GABBR1: variants seen among roughly 807,000 people sequenced by gnomAD.
The protein encoded by GABBR1 is gamma-aminobutyric acid type B receptor subunit 1, also known as GABA-B receptor, R1 subunit.
GABBR1 carries 35 observed loss-of-function variants against 117.7 expected under a neutral mutation model. The ratio of observed to expected loss-of-function variants is 0.30; its 90% CI spans 0.23 to 0.39. GABBR1 has a LOEUF of 0.39. GABBR1 is among the 10% of genes least tolerant of loss of function. GABBR1 has a pLI of 1.00. For synonymous variants in GABBR1, 442 were observed against 486.6 expected, an observed-to-expected ratio of 0.91 and a Z score of 1.21; for missense variants, 709 against 1,241.8, an observed-to-expected ratio of 0.57 and a Z score of 6.45.
In GABBR1 at chr6:29,603,466, C is replaced by T. The variant is rs775716754; in HGVS notation, c.*77G>A. On this transcript the variant is annotated 3_prime_UTR_variant, in exon 23 of 23. Transcript: ENST00000377034. ...GTTCTTCCCAGCTGGGGATGGGGACCCCCTGCTTCCTGAGTCCCCTGCCCT... is the reference window on the plus strand; with the variant it reads ...GTTCTTCCCAGCTGGGGATGGGGACTCCCTGCTTCCTGAGTCCCCTGCCCT... The T allele has an allele frequency of 7.8e-7, 1 of 1,286,600 alleles. No individual in the cohort carries two copies. Among genetic ancestry groups the T allele is most frequent in the Non-Finnish European group, 1.1e-6 (1 of 906,476 alleles). 79.7% of individuals were successfully genotyped at this position (1,286,600 alleles called of 1,614,324 possible). A position where few individuals can be genotyped will look rare whatever the true frequency, so the allele number is the denominator to read the frequency against.
In GABBR1 at chr6:29,605,674, C is replaced by A; in HGVS notation, c.2334G>T (p.Gly778=). 1 of 1,612,980 alleles carries A rather than the reference C, an allele frequency of 6.2e-7. No homozygotes were observed. The highest frequency in any genetic ancestry group is 1.3e-5 in the African/African-American group (1 of 75,026). Residue 778 remains glycine, a synonymous_variant, in exon 20 of 23, where the codon GGG becomes GGT. Coordinates refer to ENST00000377034, the MANE Select transcript of GABBR1 (RefSeq NM_001470.4). This position sits in a 1 kb window ranked among gnomAD's most constrained non-coding sequence, Gnocchi z 4.2. Reference sequence around the variant, plus strand: ...GGAAGATTCCCAGCAGCAGCAGCAGCCCCTTGTAACCATAGAAAATGCCTA... The same window carrying A: ...GGAAGATTCCCAGCAGCAGCAGCAGACCCTTGTAACCATAGAAAATGCCTA... ...TWLGIFYGYK[G]LLLLLGIFLA...
In GABBR1 at chr6:29,621,919, G is replaced by C. The variant is rs1763795175; in HGVS notation, c.1066-102C>G. Reference sequence around the variant, plus strand: ...TTGATTTCCCATCCCAAAGTGCTTAGTGCAGGGTAACGCTCAACGTATAGT... The same window carrying C: ...TTGATTTCCCATCCCAAAGTGCTTACTGCAGGGTAACGCTCAACGTATAGT... On this transcript the variant is annotated intron_variant, in intron 9 of 22. Transcript: ENST00000377034. This position sits in a 1 kb window ranked among gnomAD's most constrained non-coding sequence, Gnocchi z 5.0. 16 of 1,254,678 alleles carry C rather than the reference G, an allele frequency of 1.3e-5. No homozygotes were observed. In the South Asian group the frequency reaches 2.0e-4, roughly 15 times the overall value. The allele number at this position is 1,254,678 out of a possible 1,614,324, so 77.7% of individuals were successfully genotyped here.
chr6:29,608,616 A>C lies in GABBR1; in HGVS notation c.1977T>G (p.Phe659Leu), dbSNP rs29230. The change falls in exon 16 of 23, where the codon TTT becomes TTG. Residue 659 changes from phenylalanine to leucine, a missense_variant. Phe to Leu is a conservative substitution (Grantham distance 22). Around this residue, in one of 9 missense-constraint regions of GABBR1, gnomAD observed 251 missense variants for 445.3 expected, o/e 0.56. Transcript: ENST00000377034. ...LDGYHIGRNQFPFVCQARLWL... is the reference protein window; with the variant it reads ...LDGYHIGRNQLPFVCQARLWL... ...ACCTCCTCACCTGGCAGACGAAAGGAAACTGGTTCCTCCCAATGTGGTAAC... is the reference window on the plus strand; with the variant it reads ...ACCTCCTCACCTGGCAGACGAAAGGCAACTGGTTCCTCCCAATGTGGTAAC... 1 of 1,612,686 alleles carries C rather than the reference A, an allele frequency of 6.2e-7. No individual in the cohort carries two copies.
At position 29,621,739 on chromosome 6, in the gene GABBR1, G is replaced by T. The variant is rs546627161; in HGVS notation, c.1131+13C>A. On this transcript the variant is annotated intron_variant, in intron 10 of 22. Coordinates refer to ENST00000377034, the MANE Select transcript of GABBR1 (RefSeq NM_001470.4). The surrounding 1 kb of genome is among the most constrained non-coding windows in gnomAD (Gnocchi z 5.0). ...CCCACCCAGTGCCCCTCCCTCTTCAGATCCAACTCCACCTCACAAAAAACT... is the reference window on the plus strand; with the variant it reads ...CCCACCCAGTGCCCCTCCCTCTTCATATCCAACTCCACCTCACAAAAAACT... 1.9e-5 allele frequency: 30 copies of T among 1,612,984 alleles called. No homozygotes were observed. Among genetic ancestry groups the T allele is most frequent in the Non-Finnish European group, 2.5e-5 (30 of 1,179,116 alleles).
rs761477560 is a variant in GABBR1 at position 29,612,619 on chromosome 6, G to A, written c.1567-5C>T. On this transcript the variant is annotated splice_polypyrimidine_tract_variant and splice_region_variant and intron_variant, in intron 12 of 22. Transcript: ENST00000377034. ...GGCATCAAACACCACATGGCCCTGA[G>A]GGAAGGAACATGTGGAGCAAGGCAA... The A allele has an allele frequency of 6.2e-7, 1 of 1,613,500 alleles. No individual in the cohort carries two copies. Among genetic ancestry groups the A allele is most frequent in the Non-Finnish European group, 8.5e-7 (1 of 1,179,490 alleles).
intron 6 of GABBR1, among the ~76,000 whole-genome samples, chr6:29,626,705 G>A (rs1386081072): frequency 6.6e-6 from 1 of 151,782 alleles, no homozygotes; most frequent in African/African-American, 2.4e-5. Flanking sequence ...TTATCCCCAC[G>A]CTACCTCCTT....
intron 14 of GABBR1, among the ~76,000 whole-genome samples, chr6:29,610,659 C>T (rs1762444406): frequency 6.6e-6 from 1 of 151,850 alleles, no homozygotes; most frequent in Admixed American, 6.6e-5. Context: ...CCTCTGCCCA[C>T]CCCCTGCCTC....
Position 29,609,505 on chromosome 6 carries a change from G to C in GABBR1, c.1709-126C>G, listed in dbSNP as rs1217293802. 3.8e-6 allele frequency: 3 copies of C among 789,742 alleles called. No individual in the cohort carries two copies. Among genetic ancestry groups the C allele is most frequent in the African/African-American group, 1.7e-5 (1 of 58,138 alleles). 48.9% of individuals were successfully genotyped at this position (789,742 alleles called of 1,614,324 possible). A position where few individuals can be genotyped will look rare whatever the true frequency, so the allele number is the denominator to read the frequency against. ...TGATGGACATTCAGTCATTGGCTGG[G>C]GACATGAGGCCCTAACTGCACTGGA... On this transcript the variant is annotated intron_variant, in intron 14 of 22. Transcript: ENST00000377034. This position sits in a 1 kb window ranked among gnomAD's most constrained non-coding sequence, Gnocchi z 4.3.
Position 29,606,848 on chromosome 6 carries a change from C to T in GABBR1, c.2217+49G>A, listed in dbSNP as rs142632270. ...CACAGCCCCAGGGCCCTGATGGCCACTGAGCCCTGCTCATTCTCCTGACCA... is the reference window on the plus strand; with the variant it reads ...CACAGCCCCAGGGCCCTGATGGCCATTGAGCCCTGCTCATTCTCCTGACCA... On this transcript the variant is annotated intron_variant, in intron 18 of 22. Coordinates refer to ENST00000377034, the MANE Select transcript of GABBR1 (RefSeq NM_001470.4). This position sits in a 1 kb window ranked among gnomAD's most constrained non-coding sequence, Gnocchi z 4.5. 247 of 1,521,750 alleles carry T rather than the reference C, an allele frequency of 1.6e-4. 2 individuals carry two copies. In the East Asian group the frequency reaches 5.5e-3, roughly 34 times the overall value. The allele number at this position is 1,521,750 out of a possible 1,614,324, so 94.3% of individuals were successfully genotyped here.
At position 29,605,394 on chromosome 6, in the gene GABBR1, A is replaced by T; in HGVS notation, c.2439+175T>A. 3 of 719,550 alleles carry T rather than the reference A, an allele frequency of 4.2e-6. No individual in the cohort carries two copies. The South Asian group carries it at 5.5e-5, about 13-fold the overall frequency. 44.6% of individuals were successfully genotyped at this position (719,550 alleles called of 1,614,324 possible). On this transcript the variant is annotated intron_variant, in intron 20 of 22. Transcript: ENST00000377034. The surrounding 1 kb of genome is among the most constrained non-coding windows in gnomAD (Gnocchi z 4.2). Reference sequence around the variant, plus strand: ...TGGGTAGTTGCAAGATTAATGATACAATGTCTGTAGTGAGCTTTGTAAACT... The same window carrying T: ...TGGGTAGTTGCAAGATTAATGATACTATGTCTGTAGTGAGCTTTGTAAACT...
intron 5 of GABBR1, chr6:29,628,096 CG>C: frequency 1.1e-5 from 1 of 93,036 alleles, no homozygotes; most frequent in Non-Finnish European, 1.8e-5. Context: ...CGCGCGGCAG[CG>C]GGGGGTGGGG....
chr6:29,623,875 C>T lies in GABBR1; in HGVS notation c.792+15G>A, dbSNP rs780378647. 1.9e-6 allele frequency: 3 copies of T among 1,611,338 alleles called. No homozygotes were observed. Among genetic ancestry groups the T allele is most frequent in the Non-Finnish European group, 1.7e-6 (2 of 1,179,226 alleles). On this transcript the variant is annotated intron_variant, in intron 7 of 22. Transcript: ENST00000377034. This position sits in a 1 kb window ranked among gnomAD's most constrained non-coding sequence, Gnocchi z 6.2. ...GGGAATGACCCCATCTTCTGACCCC[C>T]ATAGCCCTGCTTACCACAATGAGGT...
At chr6:29,614,803 A>C (rs1434393149) in intron 11 of GABBR1, among the ~76,000 whole-genome samples, 5 of 152,180 alleles carry the variant, frequency 3.3e-5, no homozygotes, top group Non-Finnish European at 7.3e-5. Flanking sequence ...ACCAAGGGTG[A>C]ACTCTAATGT....
At chr6:29,615,513 G>T (rs1321069810) in intron 11 of GABBR1, among the ~76,000 whole-genome samples, 1 of 150,568 alleles carries the variant, frequency 6.6e-6, no homozygotes, top group East Asian at 2.0e-4. Context: ...GGAAGCTGAG[G>T]TAGAAGAATC....
Position 29,630,594 on chromosome 6 carries a change from G to T in GABBR1, c.339C>A (p.Phe113Leu). 1 of 1,613,034 alleles carries T rather than the reference G, an allele frequency of 6.2e-7. No individual in the cohort carries two copies. The highest frequency in any genetic ancestry group is 8.5e-7 in the Non-Finnish European group (1 of 1,179,980). Residue 113 changes from phenylalanine to leucine, a missense_variant, in exon 4 of 23, where the codon TTC (phenylalanine) becomes TTA (leucine). Coordinates refer to ENST00000377034, the MANE Select transcript of GABBR1 (RefSeq NM_001470.4). The surrounding 1 kb of genome is among the most constrained non-coding windows in gnomAD (Gnocchi z 4.9). ...GAGCTGGGAGGTCCCCACCCGTCAGGAAAACCTTCCCATTTTCCAGGGTCA... is the reference window on the plus strand; with the variant it reads ...GAGCTGGGAGGTCCCCACCCGTCAGTAAAACCTTCCCATTTTCCAGGGTCA... ...SYLTLENGKV[F>L]LTGGDLPALD... is the part of the protein sequence containing the mutation.
At chr6:29,629,808 G>A (rs1421610243) in intron 4 of GABBR1, 1 of 127,084 alleles carries the variant, frequency 7.9e-6, no homozygotes, top group Non-Finnish European at 1.6e-5. Flanking sequence ...GTAAAATTAC[G>A]TGGCAAAAAA....
chr6:29,612,918 C>A (rs532073667), intron 12 of GABBR1, among the ~76,000 whole-genome samples: 1 of 152,146 alleles, frequency 6.6e-6, no homozygotes, highest in Non-Finnish European at 1.5e-5. Flanking sequence ...GGAAACTAAT[C>A]TTTTCATTTT....
In GABBR1 at chr6:29,606,354, G is replaced by C; in HGVS notation, c.2311+37C>G. On this transcript the variant is annotated intron_variant, in intron 19 of 22. Coordinates refer to ENST00000377034, the MANE Select transcript of GABBR1 (RefSeq NM_001470.4). The surrounding 1 kb of genome is among the most constrained non-coding windows in gnomAD (Gnocchi z 4.5). ...TACCCCTGCCTTCCCTCCTGCCTTT[G>C]TGCATCCCTGCCCTCCTTTGCCCAC... 6.8e-7 allele frequency: 1 copy of C among 1,470,156 alleles called. No individual in the cohort carries two copies. Among genetic ancestry groups the C allele is most frequent in the Non-Finnish European group, 9.5e-7 (1 of 1,049,804 alleles). The allele number at this position is 1,470,156 out of a possible 1,614,324, so 91.1% of individuals were successfully genotyped here. A position where few individuals can be genotyped will look rare whatever the true frequency, so the allele number is the denominator to read the frequency against.
At chr6:29,603,751 AGAG>A (rs1761656240) in intron 22 of GABBR1, 35 bp from the exon 23 acceptor site, 2 of 1,431,058 alleles carry the variant, frequency 1.4e-6, no homozygotes, top group Admixed American at 2.8e-5. Flanking sequence ...TAGTAGGAGA[AGAG>A]GAGGTGATGA....
Sources: gnomAD v4.1 joint callset for allele counts (sites outside exome capture counted in the v4.1 genomes callset) on GRCh38, gnomAD v4.1.1 for gene constraint, gnomAD v4.1.1 regional missense constraint, Gnocchi (gnomAD v3.1) non-coding constraint, MANE v1.5 for transcripts, NCBI Gene and HGNC (gene_info 2026-07-23, HGNC 2026-07-21) for gene names.